The following ADAMTS3 variants were observed in gnomAD, a reference collection of about 807,000 sequenced individuals.
ADAMTS3 encodes the protein ADAM metallopeptidase with thrombospondin type 1 motif 3.
Under a neutral mutation model 129.0 loss-of-function variants are expected in ADAMTS3, and 73 were observed. The observed-to-expected ratio is 0.57, with a 90% CI of 0.47 to 0.69. The LOEUF is 0.69. Ranked by LOEUF, ADAMTS3 falls within the 30% of genes least tolerant of loss-of-function variation. The pLI is 0.00. For missense variants in ADAMTS3, 1,457 were observed against 1,514.5 expected (o/e 0.96, Z 0.63); for synonymous variants, 477 against 510.8 (o/e 0.93, Z 0.89).
intron 3 of ADAMTS3, among the ~76,000 whole-genome samples, chr4:72,526,942 T>C (rs563521450): frequency 1.3e-5 from 2 of 151,930 alleles, no homozygotes; most frequent in East Asian, 3.9e-4. Flanking sequence ...CAGGATAAGA[T>C]AATTCTCTGG....
intron 4 of ADAMTS3, among the ~76,000 whole-genome samples, chr4:72,357,062 A>G (rs942020574): frequency 1.3e-5 from 2 of 151,788 alleles, no homozygotes; most frequent in Non-Finnish European, 2.9e-5. Flanking sequence ...TAAACATCAG[A>G]AAAAAAATGA....
chr4:72,289,744 G>A (rs187080245), intron 20 of ADAMTS3, among the ~76,000 whole-genome samples: 17 of 152,236 alleles, frequency 1.1e-4, no homozygotes, highest in Non-Finnish European at 1.9e-4. Context: ...GCAGGAATGG[G>A]CTACTGATAG....
At chr4:72,401,954 T>A (rs1021398035) in intron 4 of ADAMTS3, among the ~76,000 whole-genome samples, 2 of 152,124 alleles carry the variant, frequency 1.3e-5, no homozygotes, top group Non-Finnish European at 2.9e-5. Flanking sequence ...AGAAAAGAAA[T>A]ATTTACGTAA....
intron 4 of ADAMTS3, among the ~76,000 whole-genome samples, chr4:72,406,247 A>G (rs956544278): frequency 1.2e-4 from 18 of 152,132 alleles, no homozygotes; most frequent in African/African-American, 4.3e-4. Context: ...GGGCTAGCAG[A>G]TACCATGCAA....
intron 2 of ADAMTS3, among the ~76,000 whole-genome samples, chr4:72,556,176 TG>T (rs35472144): frequency 0.45 from 67,749 of 151,368 alleles, 15,661 homozygotes; most frequent in South Asian, 0.61. Flanking sequence ...TGGCTCTGTC[TG>T]GAAGTGGAGC....
chr4:72,449,142 G>A (rs149646883), intron 3 of ADAMTS3, among the ~76,000 whole-genome samples: 1 of 151,414 alleles, frequency 6.6e-6, no homozygotes, highest in Non-Finnish European at 1.5e-5. Flanking sequence ...CTGTGCTCTG[G>A]GCCTCCTTCA....
At chr4:72,384,940 G>A (rs930658661) in intron 4 of ADAMTS3, among the ~76,000 whole-genome samples, 12 of 152,206 alleles carry the variant, frequency 7.9e-5, no homozygotes, top group East Asian at 1.9e-4. Context: ...AGGCCAAGGC[G>A]GGCGGATCAC....
At chr4:72,319,113 C>T (rs77477157) in intron 9 of ADAMTS3, among the ~76,000 whole-genome samples, 1,626 of 152,224 alleles carry the variant, frequency 0.011, 13 homozygotes, top group African/African-American at 0.037. Flanking sequence ...AGGAAAATTA[C>T]ATTACAGTTA....
At chr4:72,448,670 C>T (rs1718318024) in intron 3 of ADAMTS3, among the ~76,000 whole-genome samples, 1 of 151,514 alleles carries the variant, frequency 6.6e-6, no homozygotes. Context: ...TAATTTCAAC[C>T]AGCTATGCTA....
At chr4:72,432,298 C>T (rs1173315529) in intron 3 of ADAMTS3, among the ~76,000 whole-genome samples, 1 of 151,394 alleles carries the variant, frequency 6.6e-6, no homozygotes, top group Non-Finnish European at 1.5e-5. Flanking sequence ...AGAGAGAAGG[C>T]AGGTGTTTGA....
intron 3 of ADAMTS3, among the ~76,000 whole-genome samples, chr4:72,422,642 T>C (rs990340506): frequency 1.3e-5 from 2 of 151,800 alleles, no homozygotes; most frequent in Non-Finnish European, 2.9e-5. Context: ...CTGCCAAGAG[T>C]TCAGAATTAA....
chr4:72,439,273 C>A (rs1718048564), intron 3 of ADAMTS3, among the ~76,000 whole-genome samples: 2 of 151,558 alleles, frequency 1.3e-5, no homozygotes, highest in Admixed American at 6.6e-5. Context: ...ACAGTAATTA[C>A]CTTGAGCAAC....
intron 3 of ADAMTS3, among the ~76,000 whole-genome samples, chr4:72,447,926 G>T (rs1718299553): frequency 6.6e-6 from 1 of 151,636 alleles, no homozygotes; most frequent in African/African-American, 2.4e-5. Context: ...ACATCATAAT[G>T]CTACTTACAC....
At chr4:72,487,853 T>C (rs1293315142) in intron 3 of ADAMTS3, among the ~76,000 whole-genome samples, 1 of 152,016 alleles carries the variant, frequency 6.6e-6, no homozygotes, top group Non-Finnish European at 1.5e-5. Context: ...TAATAATCCA[T>C]ATAAACATTA....
At position 72,484,304 on chromosome 4, in the gene ADAMTS3, G is replaced by T. The variant is rs1407181065; in HGVS notation, c.504+64174C>A. ...TCCAGTAATGTCCTGAAAGTTAAAT[G>T]CCTTCCTTTTTTCTTTTAAAAAACA... is the stretch of plus-strand genomic sequence containing the variant. On this transcript the variant is annotated intron_variant, in intron 3 of 21. Coordinates refer to ENST00000286657, the MANE Select transcript of ADAMTS3 (RefSeq NM_014243.3). Among the ~76,000 whole-genome samples, 8 of 152,214 alleles carry T rather than the reference G, an allele frequency of 5.3e-5. No homozygotes were observed. In the East Asian group the frequency reaches 1.5e-3, roughly 29 times the overall value.
chr4:72,395,812 T>TTGTG (rs149262244), intron 4 of ADAMTS3, among the ~76,000 whole-genome samples: 26 of 150,460 alleles, frequency 1.7e-4, no homozygotes, highest in South Asian at 1.7e-3. Flanking sequence ...AGTAGTATAT[T>TTGTG]TGTGTGTGTG....
At chr4:72,495,747 G>A (rs1041332663) in intron 3 of ADAMTS3, among the ~76,000 whole-genome samples, 24 of 151,932 alleles carry the variant, frequency 1.6e-4, no homozygotes, top group African/African-American at 5.8e-4. Context: ...TAAATGTGCT[G>A]CCAACCCAGA....
chr4:72,539,733 T>C (rs1721274892), intron 3 of ADAMTS3, among the ~76,000 whole-genome samples: 2 of 152,150 alleles, frequency 1.3e-5, no homozygotes, highest in South Asian at 2.1e-4. Context: ...GTTCTCCTGA[T>C]AGTGAATTAG....
chr4:72,520,324 C>G (rs901948839), intron 3 of ADAMTS3, among the ~76,000 whole-genome samples: 2 of 152,232 alleles, frequency 1.3e-5, no homozygotes, highest in African/African-American at 2.4e-5. Flanking sequence ...TCTGCTTGTT[C>G]TCAGATCTCC....
Sources: gnomAD v4.1 joint callset for allele counts (sites outside exome capture counted in the v4.1 genomes callset) on GRCh38, gnomAD v4.1.1 for gene constraint, MANE v1.5 for transcripts, NCBI Gene and HGNC (gene_info 2026-07-23, HGNC 2026-07-21) for gene names.